Variants in SPATA6L observed in about 807,000 individuals in gnomAD.
SPATA6L encodes the protein spermatogenesis associated 6 like.
SPATA6L carries 68 observed loss-of-function variants against 49.2 expected under a neutral mutation model. The ratio of observed to expected loss-of-function variants is 1.38; its 90% confidence interval spans 1.14 to 1.69. The LOEUF (loss-of-function observed/expected upper bound fraction) is 1.69. SPATA6L is among the 40% of genes most tolerant of loss of function. The pLI is 0.00. For missense variants in SPATA6L, 668 were observed against 464.3 expected, an observed-to-expected ratio of 1.44 and a Z score of -4.03; for synonymous variants, 198 against 165.7, an observed-to-expected ratio of 1.19 and a Z score of -1.50.
At chr9:4,601,626 A>C (rs1446481658) in intron 11 of SPATA6L, among the ~76,000 whole-genome samples, 2 of 152,114 alleles carry the variant, frequency 1.3e-5, no homozygotes, top group Non-Finnish European at 2.9e-5. Context: ...CATCTCCCTG[A>C]GATCTCGAGA....
chr9:4,624,702 T>C (rs1830018671), intron 6 of SPATA6L, among the ~76,000 whole-genome samples: 1 of 135,396 alleles, frequency 7.4e-6, no homozygotes, highest in South Asian at 2.3e-4. Flanking sequence ...CACTCCAGCC[T>C]AGGCGACAGC....
Position 4,626,245 on chromosome 9 carries a change from C to G in SPATA6L, c.430-679G>C, listed in dbSNP as rs149223893. ...CAAATGGCTCCAGATTATAGCCTTT[C>G]CCCTATTATGCCAGGACTAGCCCCA... On this transcript the variant is annotated intron_variant, in intron 5 of 11. Coordinates refer to ENST00000682582, the MANE Select transcript of SPATA6L (RefSeq NM_001353486.2). 190 of 424,712 alleles carry G rather than the reference C, an allele frequency of 4.5e-4. 1 individual carries two copies. The highest frequency in any genetic ancestry group is 3.0e-3 in the African/African-American group (145 of 48,202). The allele number at this position is 424,712 out of a possible 1,614,324, so 26.3% of individuals were successfully genotyped here.
chr9:4,620,604 G>T (rs1829063307), intron 7 of SPATA6L, among the ~76,000 whole-genome samples: 1 of 152,222 alleles, frequency 6.6e-6, no homozygotes, highest in Non-Finnish European at 1.5e-5. Context: ...CAAAGGGCTG[G>T]CTTGAAAGCT....
chr9:4,649,092 C>T (rs1441401919), intron 3 of SPATA6L, among the ~76,000 whole-genome samples: 1 of 137,924 alleles, frequency 7.3e-6, no homozygotes, highest in South Asian at 2.3e-4. Context: ...CACACACACA[C>T]ACATATCACA....
chr9:4,617,996 C>G lies in SPATA6L; in HGVS notation c.922G>C (p.Gly308Arg). 1 of 1,614,004 alleles carries G rather than the reference C, an allele frequency of 6.2e-7. No individual in the cohort carries two copies. Among genetic ancestry groups the G allele is most frequent in the Non-Finnish European group, 8.5e-7 (1 of 1,179,970 alleles). The change falls in exon 9 of 12, where the codon GGG becomes CGG. Residue 308 changes from glycine (G) to arginine (R), a missense_variant. By Grantham distance (125) the Gly-to-Arg change is moderately radical (BLOSUM62 -2). Transcript: ENST00000682582. ...TGGTAGGTGGCAAATGAAGCTTTCC[C>G]GTGGAAATCAGCATCCCCTTGTTTA... ...SSKQGDADFH[G>R]KASFATYQHS...
intron 3 of SPATA6L, among the ~76,000 whole-genome samples, chr9:4,637,021 C>T (rs1832944189): frequency 6.6e-6 from 1 of 152,178 alleles, no homozygotes; most frequent in African/African-American, 2.4e-5. Flanking sequence ...CTTTCTCCTG[C>T]TTAAAACCTT....
chr9:4,647,619 T>C (rs1023764780), intron 3 of SPATA6L, among the ~76,000 whole-genome samples: 1 of 151,834 alleles, frequency 6.6e-6, no homozygotes, highest in African/African-American at 2.4e-5. Context: ...AAAAAATATA[T>C]ATATATAAAA....
Position 4,662,168 on chromosome 9 carries a change from ACCTC to A in SPATA6L, c.40-136_40-133del. ...CCCATCACCTCACTCCCTCACCTGT[ACCTC>A]CCAACGCCAACATCCTCCCCTCTGC... On this transcript the variant is annotated intron_variant, in intron 1 of 11. Coordinates refer to ENST00000682582, the MANE Select transcript of SPATA6L (RefSeq NM_001353486.2). This position sits in a 1 kb window ranked among gnomAD's most constrained non-coding sequence, Gnocchi z 4.9. 6.9e-7 allele frequency: 1 copy of A among 1,456,274 alleles called. No homozygotes were observed. The allele number at this position is 1,456,274 out of a possible 1,614,324, so 90.2% of individuals were successfully genotyped here.
chr9:4,632,440 A>C (rs151094856), intron 4 of SPATA6L, among the ~76,000 whole-genome samples: 47 of 152,068 alleles, frequency 3.1e-4, no homozygotes, highest in Non-Finnish European at 4.3e-4. Context: ...TACTAAAAAT[A>C]CAAAAGTCAG....
intron 3 of SPATA6L, among the ~76,000 whole-genome samples, chr9:4,640,569 A>C (rs572930942): frequency 6.7e-6 from 1 of 150,160 alleles, no homozygotes; most frequent in South Asian, 2.1e-4. Flanking sequence ...AACTTTAAGA[A>C]AAAAAAAAAA....
At chr9:4,595,796 G>C (rs780024029), downstream of SPATA6L, among the ~76,000 whole-genome samples, 1 of 152,144 alleles carries the variant, frequency 6.6e-6, no homozygotes, top group Non-Finnish European at 1.5e-5. Context: ...AATATGAGAC[G>C]ATTATAAAGT....
chr9:4,614,373 A>C (rs945358288), intron 9 of SPATA6L, among the ~76,000 whole-genome samples: 5 of 152,198 alleles, frequency 3.3e-5, no homozygotes, highest in Non-Finnish European at 7.4e-5. Context: ...CTTCAGTATT[A>C]AGTTAGCAGA....
At chr9:4,627,915 G>A in intron 5 of SPATA6L, 1 of 754,416 alleles carries the variant, frequency 1.3e-6, no homozygotes, top group Non-Finnish European at 2.0e-6. Flanking sequence ...ACATAATGGA[G>A]TGCTATTCAG....
At chr9:4,626,551 C>G in intron 5 of SPATA6L, 1 of 1,304,054 alleles carries the variant, frequency 7.7e-7, no homozygotes, top group Non-Finnish European at 1.0e-6. Flanking sequence ...TTTGTTTCCC[C>G]AGCCCTAGGG....
In SPATA6L at chr9:4,662,049, G is replaced by A; in HGVS notation, c.40-13C>T. The A allele has an allele frequency of 6.2e-7, 1 of 1,612,612 alleles. No homozygotes were observed. On this transcript the variant is annotated splice_polypyrimidine_tract_variant and intron_variant, in intron 1 of 11. Transcript: ENST00000682582. This position sits in a 1 kb window ranked among gnomAD's most constrained non-coding sequence, Gnocchi z 4.9. ...CTGGGCAAGAAATCTTAAAAAGAAA[G>A]AAAACAACAAACAAGGGAGAGAAAA...
chr9:4,614,258 T>C (rs1161394801), intron 9 of SPATA6L, among the ~76,000 whole-genome samples: 1 of 152,210 alleles, frequency 6.6e-6, no homozygotes, highest in Non-Finnish European at 1.5e-5. Context: ...ACTCCCATTG[T>C]TCACTCTTAT....
chr9:4,650,902 A>G (rs1836699041), intron 3 of SPATA6L, among the ~76,000 whole-genome samples: 1 of 151,716 alleles, frequency 6.6e-6, no homozygotes, highest in African/African-American at 2.4e-5. Flanking sequence ...CGGTTTCACC[A>G]TATTGGCCAG....
intron 1 of SPATA6L, 80 bp downstream of exon 1, chr9:4,666,132 G>C: frequency 7.9e-7 from 1 of 1,273,756 alleles, no homozygotes; most frequent in Non-Finnish European, 1.1e-6. Context: ...GGGGGATGTG[G>C]GGGAGGGTTG....
chr9:4,633,798 A>T (rs1434311570), intron 4 of SPATA6L: 2 of 152,200 alleles, frequency 1.3e-5, no homozygotes, highest in Non-Finnish European at 2.9e-5. Flanking sequence ...ATAAGATCAG[A>T]TCCCACCCTC....
Sources: allele counts gnomAD v4.1 joint callset (sites outside exome capture counted in the v4.1 genomes callset), GRCh38; gene constraint gnomAD v4.1.1; non-coding constraint Gnocchi (gnomAD v3.1); transcripts MANE v1.5; gene names NCBI Gene and HGNC (gene_info 2026-07-23, HGNC 2026-07-21).